Variants in CPNE9 observed in about 807,000 individuals in gnomAD.
CPNE9 encodes copine family member 9, also known as copine-9.
Under a neutral mutation model 83.0 loss-of-function variants are expected in CPNE9, and 59 were observed. The observed-to-expected ratio is 0.71, with a 90% confidence interval of 0.58 to 0.88. The LOEUF is 0.88. Ranked by LOEUF, CPNE9 falls within the 40% of genes least tolerant of loss-of-function variation. The pLI, the probability that CPNE9 is intolerant of heterozygous loss-of-function variation, is 0.00. For missense variants in CPNE9, 619 were observed against 720.8 expected (o/e 0.86, Z 1.62); for synonymous variants, 256 against 273.4 (o/e 0.94, Z 0.63).
At chr3:9,724,867 C>T (rs2076763705) in intron 17 of CPNE9, among the ~76,000 whole-genome samples, 1 of 152,116 alleles carries the variant, frequency 6.6e-6, no homozygotes, top group Non-Finnish European at 1.5e-5. Flanking sequence ...AGCGGTTCTC[C>T]TGCCTCAGCC....
At chr3:9,726,479 A>G (rs536984599) in intron 18 of CPNE9, among the ~76,000 whole-genome samples, 186 bp from the exon 19 acceptor site, 12 of 152,172 alleles carry the variant, frequency 7.9e-5, no homozygotes, top group Non-Finnish European at 1.5e-4. Context: ...GGAAAATACT[A>G]TATCTTTCAA....
chr3:9,714,527 C>A (rs1369141274), intron 10 of CPNE9, among the ~76,000 whole-genome samples: 15 of 148,680 alleles, frequency 1.0e-4, no homozygotes, highest in African/African-American at 2.7e-4. Context: ...ATTTCCTTAT[C>A]CCAAAATAAT....
intron 4 of CPNE9, 45 bp from the exon 5 acceptor site, chr3:9,705,419 T>TACCCCCCCC: frequency 9.1e-6 from 6 of 662,616 alleles, no homozygotes; most frequent in East Asian, 3.0e-5. Context: ...TTCCACCCTC[T>TACCCCCCCC]CCCCCACCCA....
At chr3:9,714,214 A>C (rs2076656792) in intron 10 of CPNE9, among the ~76,000 whole-genome samples, 1 of 152,254 alleles carries the variant, frequency 6.6e-6, no homozygotes, top group Non-Finnish European at 1.5e-5. Flanking sequence ...GTTGGTAGAC[A>C]GACAGACAGA....
intron 10 of CPNE9, among the ~76,000 whole-genome samples, chr3:9,713,521 G>A (rs761610947): frequency 4.6e-5 from 7 of 152,066 alleles, no homozygotes; most frequent in African/African-American, 1.2e-4. Context: ...GGTGATTAAC[G>A]GATGAATGAG....
At chr3:9,714,778 G>A in intron 10 of CPNE9, 136 bp from the exon 11 acceptor site, 1 of 695,062 alleles carries the variant, frequency 1.4e-6, no homozygotes, top group Non-Finnish European at 2.5e-6. Context: ...AGGATGGGAG[G>A]CAGGTTGAAA....
intron 17 of CPNE9, among the ~76,000 whole-genome samples, chr3:9,720,102 C>CT (rs997282732): frequency 1.3e-5 from 2 of 151,300 alleles, no homozygotes; most frequent in Non-Finnish European, 2.9e-5. Context: ...TTAAAATAAA[C>CT]TTAAAACGAA....
At chr3:9,721,722 A>C (rs1217488442) in intron 17 of CPNE9, among the ~76,000 whole-genome samples, 1 of 152,158 alleles carries the variant, frequency 6.6e-6, no homozygotes, top group Non-Finnish European at 1.5e-5. Flanking sequence ...GTTTAATATG[A>C]CTAGAGTGCG....
At chr3:9,709,644 A>G (rs35225110) in intron 7 of CPNE9, among the ~76,000 whole-genome samples, 106,052 of 151,736 alleles carry the variant, frequency 0.7, 37,207 homozygotes, top group East Asian at 0.72. Context: ...CTGGGATTAC[A>G]GACGTGAGCT....
At position 9,726,652 on chromosome 3, in the gene CPNE9, C is replaced by G. The variant is rs3868893; in HGVS notation, c.1345-13C>G. The G allele has an allele frequency of 0.44, 703,504 of 1,607,194 alleles. 156,608 individuals are homozygous for G. The highest frequency in any genetic ancestry group is 0.57 in the African/African-American group (42,848 of 74,706). On this transcript the variant is annotated splice_polypyrimidine_tract_variant and intron_variant, in intron 18 of 20. Transcript: ENST00000383832. Reference sequence around the variant, plus strand: ...CCTGCTTGCCCCAACAGTTCACCCTCTTTCCCCTACAGGCCTCCTCATTGC... The same window carrying G: ...CCTGCTTGCCCCAACAGTTCACCCTGTTTCCCCTACAGGCCTCCTCATTGC...
Position 9,729,533 on chromosome 3 carries a change from C to A in CPNE9, c.1503C>A (p.Asp501Glu), listed in dbSNP as rs764638144. The A allele has an allele frequency of 1.2e-6, 2 of 1,613,912 alleles. No individual in the cohort carries two copies. The highest frequency in any genetic ancestry group is 3.3e-5 in the Admixed American group (2 of 60,008). ...VQFVPFRDYV[D>E]RSGNQVLSMA... is the part of the protein sequence containing the mutation. ...TCGTCCCATTCCGAGACTATGTTGA[C>A]CGGTCGGGGAACCAGGTGTTGAGCA... The change falls in exon 21 of 21, where the codon GAC (aspartate) becomes GAA (glutamate). Residue 501 changes from aspartate (D) to glutamate (E), a missense_variant. This residue lies in a region of CPNE9 where 438 missense variants were observed against 562.9 expected (regional missense o/e 0.78). Coordinates refer to ENST00000383832, the MANE Select transcript of CPNE9 (RefSeq NM_153635.3).
At chr3:9,717,479 G>C (rs539225207) in intron 15 of CPNE9, among the ~76,000 whole-genome samples, 8 of 152,288 alleles carry the variant, frequency 5.3e-5, no homozygotes, top group African/African-American at 1.9e-4. Flanking sequence ...TGGGTATGTG[G>C]GTGGACAAAT....
intron 14 of CPNE9, among the ~76,000 whole-genome samples, chr3:9,716,750 G>A (rs1419670539): frequency 1.3e-5 from 2 of 152,204 alleles, no homozygotes; most frequent in South Asian, 2.1e-4. Flanking sequence ...GATTACAGGC[G>A]TGAGCCACGG....
At chr3:9,713,800 G>A (rs964961761) in intron 10 of CPNE9, among the ~76,000 whole-genome samples, 3 of 152,024 alleles carry the variant, frequency 2.0e-5, no homozygotes, top group South Asian at 2.1e-4. Context: ...GGCCGGGCGC[G>A]GTGGCTCACA....
rs2076811008 is a variant in CPNE9, at chr3:9,729,585, G to A, written c.1555G>A (p.Ala519Thr). The part of the protein sequence containing the change: ...SMARLAKDVL[A>T]EIPEQLLSYM... ...GGCCCGACTGGCCAAGGATGTGCTG[G>A]CCGAGATCCCGGAGCAGCTGCTGTC... The change falls in exon 21 of 21, where the codon GCC (alanine) becomes ACC (threonine). Residue 519 changes from alanine to threonine, a missense_variant. Transcript: ENST00000383832. The A allele has an allele frequency of 6.2e-7, 1 of 1,614,006 alleles. No individual in the cohort carries two copies. The highest frequency in any genetic ancestry group is 8.5e-7 in the Non-Finnish European group (1 of 1,180,034).
At position 9,704,936 on chromosome 3, in the gene CPNE9, G is replaced by C; in HGVS notation, c.202G>C (p.Val68Leu). 1 of 1,613,422 alleles carries C rather than the reference G, an allele frequency of 6.2e-7. No individual in the cohort carries two copies. Residue 68 changes from valine (V) to leucine (L), a missense_variant, in exon 4 of 21, where the codon GTG becomes CTG. Coordinates refer to ENST00000383832, the MANE Select transcript of CPNE9 (RefSeq NM_153635.3). The surrounding 1 kb of genome is among the most constrained non-coding windows in gnomAD (Gnocchi z 7.1). ...TGATAACACGCTGAACCCAGACTTC[G>C]TGCGCAAATTCGTCCTCGACTATTT... is the stretch of plus-strand genomic sequence containing the variant. Reference protein sequence around the residue: ...VIDNTLNPDFVRKFVLDYFFE... With the variant: ...VIDNTLNPDFLRKFVLDYFFE...
rs766303858 is a variant in CPNE9, at chr3:9,704,620, C to A, written c.102C>A (p.Ser34=). 3 of 1,613,874 alleles carry A rather than the reference C, an allele frequency of 1.9e-6. No homozygotes were observed. In the African/African-American group the frequency reaches 4.0e-5, roughly 22 times the overall value. ...NLLDLDTFSK[S]DPMVVLYTQS... is the part of the protein sequence containing the mutation. ...TAGACCTTGATACCTTCTCCAAGTC[C>A]GACCCCAGTAGGCGGCTCCAGGACC... Residue 34 remains serine (S), a synonymous_variant, in exon 2 of 21, where the codon TCC becomes TCA. Coordinates refer to ENST00000383832, the MANE Select transcript of CPNE9 (RefSeq NM_153635.3). The surrounding 1 kb of genome is among the most constrained non-coding windows in gnomAD (Gnocchi z 7.1).
At chr3:9,716,879 C>T (rs1420782225) in intron 14 of CPNE9, among the ~76,000 whole-genome samples, 179 bp from the exon 15 acceptor site, 5 of 152,204 alleles carry the variant, frequency 3.3e-5, no homozygotes, top group Admixed American at 6.5e-5. Context: ...AAAGTGTAGT[C>T]CATGAGCCAG....
intron 17 of CPNE9, among the ~76,000 whole-genome samples, chr3:9,725,634 A>ATG (rs1559645931): frequency 5.1e-4 from 45 of 88,492 alleles, no homozygotes; most frequent in African/African-American, 2.3e-3. Flanking sequence ...ATATATGTAT[A>ATG]TACATGTATG....
Sources: gnomAD v4.1 joint callset for allele counts (sites outside exome capture counted in the v4.1 genomes callset) on GRCh38, gnomAD v4.1.1 for gene constraint, gnomAD v4.1.1 regional missense constraint, Gnocchi (gnomAD v3.1) non-coding constraint, MANE v1.5 for transcripts, NCBI Gene and HGNC (gene_info 2026-07-23, HGNC 2026-07-21) for gene names.